Variants in ZNF331 observed in about 807,000 individuals in gnomAD.
The protein encoded by ZNF331 is zinc finger protein 331.
In ZNF331, 2 loss-of-function variants were observed where a neutral mutation model predicts 7.0. The ratio of observed to expected loss-of-function variants is 0.29; its 90% CI spans 0.12 to 0.90. The LOEUF is 0.90. Ranked by LOEUF, ZNF331 falls within the 40% of genes least tolerant of loss-of-function variation. The pLI is 0.58. For synonymous variants in ZNF331, 196 were observed against 205.4 expected, an observed-to-expected ratio of 0.95 and a Z score of 0.39; for missense variants, 432 against 587.7, an observed-to-expected ratio of 0.74 and a Z score of 2.74.
At chr19:53,572,537 A>G (rs1340594595) in intron 5 of ZNF331, among the ~76,000 whole-genome samples, 3 of 136,514 alleles carry the variant, frequency 2.2e-5, no homozygotes, top group African/African-American at 9.3e-5. Context: ...ATATATATAC[A>G]CACACATATA....
In ZNF331 at chr19:53,560,051, T is replaced by C. The variant is rs1415997585; in HGVS notation, c.-74+4143T>C. 6.7e-6 allele frequency among the ~76,000 whole-genome samples: 1 copy of C among 149,108 alleles called. No individual in the cohort carries two copies. The highest frequency in any genetic ancestry group is 1.5e-5 in the Non-Finnish European group (1 of 67,348). ...CACATGCATACCTCATATATACATATACACACCTACATATACATACCATAC... is the reference window on the plus strand; with the variant it reads ...CACATGCATACCTCATATATACATACACACACCTACATATACATACCATAC... On this transcript the variant is annotated intron_variant, in intron 3 of 5. Transcript: ENST00000449416. The surrounding 1 kb of genome is among the most constrained non-coding windows in gnomAD (Gnocchi z 4.3).
In ZNF331 at chr19:53,545,712, T is replaced by A. The variant is rs899009110; in HGVS notation, c.-138+6430T>A. On this transcript the variant is annotated intron_variant, in intron 2 of 5. Coordinates refer to ENST00000449416, the MANE Select transcript of ZNF331 (RefSeq NM_001079906.2). ...ACCTTCCAACAGTGTGGTACCTGCC[T>A]GAGAGCAGCGGCCCCCAGTGGGACA... Among the ~76,000 whole-genome samples, 12 of 152,306 alleles carry A rather than the reference T, an allele frequency of 7.9e-5. No individual in the cohort carries two copies. The East Asian group carries it at 1.9e-3, about 25-fold the overall frequency.
intron 2 of ZNF331, among the ~76,000 whole-genome samples, chr19:53,526,965 C>T (rs1027432016): frequency 8.6e-5 from 13 of 151,606 alleles, no homozygotes; most frequent in East Asian, 6.0e-4. Flanking sequence ...CCAAGGCAGG[C>T]GGATCACGAG....
chr19:53,508,425 C>T, the ZNF331 span, among the ~76,000 whole-genome samples: 1 of 152,132 alleles, frequency 6.6e-6, no homozygotes, highest in African/African-American at 2.4e-5. Context: ...ATCACTAAAT[C>T]TACTAAAAAT....
intron 3 of ZNF331, among the ~76,000 whole-genome samples, chr19:53,566,198 A>C (rs1330468110): frequency 1.3e-5 from 2 of 151,986 alleles, no homozygotes; most frequent in African/African-American, 4.8e-5. Flanking sequence ...ATCACACCGG[A>C]TGTGCCTGGC....
chr19:53,548,553 A>G (rs2088778252), intron 2 of ZNF331, among the ~76,000 whole-genome samples: 1 of 152,196 alleles, frequency 6.6e-6, no homozygotes, highest in South Asian at 2.1e-4. Context: ...CACCATGCCA[A>G]GCCCTATTTT....
chr19:53,549,753 T>G (rs1187576328), intron 2 of ZNF331, among the ~76,000 whole-genome samples: 1 of 152,172 alleles, frequency 6.6e-6, no homozygotes, highest in African/African-American at 2.4e-5. Flanking sequence ...AGTCTGTATT[T>G]TATTTATTTT....
chr19:53,567,487 A>G (rs73937905), intron 3 of ZNF331, among the ~76,000 whole-genome samples: 6,411 of 152,152 alleles, frequency 0.042, 466 homozygotes, highest in African/African-American at 0.15. Context: ...TCTGCATAGA[A>G]GACCACCCTC....
At chr19:53,551,324 C>T (rs1470883781) in intron 2 of ZNF331, among the ~76,000 whole-genome samples, 1 of 152,144 alleles carries the variant, frequency 6.6e-6, no homozygotes, top group South Asian at 2.1e-4. Context: ...TCCACTTCCC[C>T]TCTAAACATG....
At chr19:53,509,263 C>T in the ZNF331 span, among the ~76,000 whole-genome samples, 1 of 152,182 alleles carries the variant, frequency 6.6e-6, no homozygotes, top group Non-Finnish European at 1.5e-5. Context: ...TGTTTTTCTT[C>T]CACGTAGAGA....
upstream of ZNF331, among the ~76,000 whole-genome samples, chr19:53,536,754 T>A (rs1355958349): frequency 6.6e-6 from 1 of 152,048 alleles, no homozygotes; most frequent in Non-Finnish European, 1.5e-5. Context: ...ACAAAAAAAA[T>A]TAGCCGGGCG....
chr19:53,541,678 G>A (rs938710169), intron 2 of ZNF331, among the ~76,000 whole-genome samples: 1 of 152,072 alleles, frequency 6.6e-6, no homozygotes, highest in Non-Finnish European at 1.5e-5. Flanking sequence ...AGTCCCTAAG[G>A]AGCCCTTAAA....
intron 2 of ZNF331, among the ~76,000 whole-genome samples, chr19:53,531,828 T>A (rs1009344965): frequency 6.6e-6 from 1 of 152,220 alleles, no homozygotes; most frequent in Non-Finnish European, 1.5e-5. Context: ...GAGTATGAGT[T>A]CTGGATCTAG....
chr19:53,552,808 A>G lies in ZNF331; in HGVS notation c.-137-3037A>G, dbSNP rs1033688443. ...ATCAGTGTAATGTTACTGATCTTCA[A>G]TAGTAACCACAAACTTAAAAAATCT... On this transcript the variant is annotated intron_variant, in intron 2 of 5. Transcript: ENST00000449416. Among the ~76,000 whole-genome samples, 12 of 152,190 alleles carry G rather than the reference A, an allele frequency of 7.9e-5. No homozygotes were observed. The South Asian group carries it at 1.4e-3, about 18-fold the overall frequency.
chr19:53,529,096 G>T (rs962314259), intron 2 of ZNF331, among the ~76,000 whole-genome samples: 2 of 151,854 alleles, frequency 1.3e-5, no homozygotes, highest in African/African-American at 4.8e-5. Flanking sequence ...CTATTTTTTT[G>T]ATTTTTTTAA....
At chr19:53,536,689 C>T (rs557777066), upstream of ZNF331, among the ~76,000 whole-genome samples, 24 of 152,240 alleles carry the variant, frequency 1.6e-4, no homozygotes, top group African/African-American at 5.1e-4. Context: ...CACCTGAGGT[C>T]GGGAGTTCGA....
chr19:53,556,433 A>G (rs1415906778), intron 3 of ZNF331, among the ~76,000 whole-genome samples: 1 of 151,850 alleles, frequency 6.6e-6, no homozygotes, highest in East Asian at 1.9e-4. Flanking sequence ...TAGTTGATTC[A>G]GTCTGTGATA....
At chr19:53,524,342 G>C (rs931600355) in intron 2 of ZNF331, among the ~76,000 whole-genome samples, 2 of 152,210 alleles carry the variant, frequency 1.3e-5, no homozygotes, top group African/African-American at 4.8e-5. Context: ...TCGCCACACT[G>C]TCTTCCACAA....
chr19:53,565,707 C>T (rs531055181), intron 3 of ZNF331, among the ~76,000 whole-genome samples: 2 of 150,858 alleles, frequency 1.3e-5, no homozygotes, highest in South Asian at 4.2e-4. Context: ...TTGTATTTTT[C>T]TAGTAGGGAC....
Sources: gnomAD v4.1 joint callset for allele counts (sites outside exome capture counted in the v4.1 genomes callset) on GRCh38, gnomAD v4.1.1 for gene constraint, Gnocchi (gnomAD v3.1) non-coding constraint, MANE v1.5 for transcripts, NCBI Gene and HGNC (gene_info 2026-07-23, HGNC 2026-07-21) for gene names.